UBE3D: variants seen among roughly 807,000 people sequenced by gnomAD.
The protein encoded by UBE3D is E3 ubiquitin-protein ligase E3D.
Under a neutral mutation model 49.6 loss-of-function variants are expected in UBE3D, and 48 were observed. That is an observed-to-expected ratio of 0.97 (90% CI 0.77 to 1.23). The LOEUF is 1.23. Among genes scored for constraint, UBE3D ranks in the 50% most tolerant of loss-of-function variants. UBE3D has a pLI of 0.00. For missense variants in UBE3D, 452 were observed against 468.4 expected (o/e 0.96, Z 0.32); for synonymous variants, 189 against 174.2 (o/e 1.08, Z -0.67).
intron 9 of UBE3D, among the ~76,000 whole-genome samples, chr6:82,933,832 A>T (rs962042063): frequency 6.6e-6 from 1 of 152,206 alleles, no homozygotes; most frequent in African/African-American, 2.4e-5. Flanking sequence ...TACTCAGAAA[A>T]CAAGCTAAGC....
At chr6:82,966,882 A>G (rs1483698571) in intron 8 of UBE3D, among the ~76,000 whole-genome samples, 3 of 152,220 alleles carry the variant, frequency 2.0e-5, no homozygotes, top group Admixed American at 6.5e-5. Flanking sequence ...TATTCCCAAC[A>G]GAAACTCAAA....
At chr6:83,044,690 A>C in intron 3 of UBE3D, 31 bp from the exon 4 acceptor site, 2 of 1,517,832 alleles carry the variant, frequency 1.3e-6, no homozygotes, top group Non-Finnish European at 1.8e-6. Context: ...CATTTTTCAC[A>C]GAACAAAATG....
chr6:82,990,002 A>G (rs1046938287), intron 8 of UBE3D, among the ~76,000 whole-genome samples: 3 of 152,210 alleles, frequency 2.0e-5, no homozygotes, highest in South Asian at 2.1e-4. Context: ...ATCCCTTTTT[A>G]TAGAGGTCAC....
intron 3 of UBE3D, among the ~76,000 whole-genome samples, chr6:83,050,097 T>C (rs1437777204): frequency 5.3e-5 from 8 of 152,150 alleles, no homozygotes; most frequent in Non-Finnish European, 1.5e-5. Context: ...GCTAAGAACA[T>C]GTGACCTTAA....
intron 9 of UBE3D, among the ~76,000 whole-genome samples, chr6:82,944,703 C>T (rs1055207004): frequency 7.2e-5 from 11 of 152,192 alleles, no homozygotes; most frequent in Admixed American, 4.6e-4. Flanking sequence ...CAGCATTTCT[C>T]GATCTGTCCT....
chr6:82,976,073 T>A (rs1368667707), intron 8 of UBE3D, among the ~76,000 whole-genome samples: 1 of 152,212 alleles, frequency 6.6e-6, no homozygotes, highest in East Asian at 1.9e-4. Flanking sequence ...GGCAAATTTA[T>A]TTCAGGTAAT....
intron 5 of UBE3D, 24 bp downstream of exon 5, chr6:83,038,392 G>T: frequency 6.3e-7 from 1 of 1,588,626 alleles, no homozygotes; most frequent in South Asian, 1.1e-5. Flanking sequence ...CAATCATTTT[G>T]GCTTCTTGTT....
At chr6:83,035,786 T>C (rs867748554) in intron 5 of UBE3D, among the ~76,000 whole-genome samples, 1 of 152,180 alleles carries the variant, frequency 6.6e-6, no homozygotes, top group East Asian at 1.9e-4. Context: ...GGTATTTTTG[T>C]TATTGGATAA....
rs898739302 is a variant in UBE3D at position 82,957,314 on chromosome 6, G to A, written c.1147C>T (p.Gln383Ter). ...PSSLRRVNSF[Q>*]VAFLKM ...CTAGAAAAGAAGCCATTGCTCACCTGAAAGGAATTCACACGGCGAAGGGAT... is the reference window on the plus strand; with the variant it reads ...CTAGAAAAGAAGCCATTGCTCACCTAAAAGGAATTCACACGGCGAAGGGAT... The change falls in exon 9 of 10, where the codon CAG becomes TAG. Residue 383 changes from glutamine (Q) to a stop codon, truncating the protein, a stop_gained and splice_region_variant. Coordinates refer to ENST00000369747, the MANE Select transcript of UBE3D (RefSeq NM_198920.3). LOFTEE classifies it high-confidence loss of function. 1 of 1,613,542 alleles carries A rather than the reference G, an allele frequency of 6.2e-7. No individual in the cohort carries two copies. The highest frequency in any genetic ancestry group is 1.3e-5 in the African/African-American group (1 of 75,004).
intron 8 of UBE3D, among the ~76,000 whole-genome samples, chr6:82,991,093 G>T (rs972090074): frequency 6.6e-6 from 1 of 152,124 alleles, no homozygotes; most frequent in African/African-American, 2.4e-5. Flanking sequence ...GCTCTCCATA[G>T]GCCCTGGTGT....
intron 9 of UBE3D, among the ~76,000 whole-genome samples, chr6:82,911,506 C>T (rs1014838703): frequency 6.6e-6 from 1 of 152,164 alleles, no homozygotes; most frequent in Non-Finnish European, 1.5e-5. Flanking sequence ...GAATACTTCT[C>T]ACAAGTCTGA....
chr6:83,060,938 G>A (rs989211998), intron 1 of UBE3D, among the ~76,000 whole-genome samples: 8 of 152,118 alleles, frequency 5.3e-5, no homozygotes, highest in African/African-American at 1.2e-4. Flanking sequence ...ATGAGGAACA[G>A]GGTATTTACA....
chr6:82,891,400 C>G (rs898775978), downstream of UBE3D, among the ~76,000 whole-genome samples: 1 of 152,070 alleles, frequency 6.6e-6, no homozygotes, highest in African/African-American at 2.4e-5. Flanking sequence ...GCTGAGGAAC[C>G]CTGCTGTATA....
chr6:82,973,573 T>TTC (rs5877829), intron 8 of UBE3D, among the ~76,000 whole-genome samples: 129,196 of 152,072 alleles, frequency 0.85, 55,131 homozygotes, highest in East Asian at 0.94. Context: ...AATTCTTAGC[T>TTC]TCTTTCCTTG....
intron 8 of UBE3D, among the ~76,000 whole-genome samples, chr6:83,003,535 G>A (rs923451484): frequency 2.6e-5 from 4 of 152,116 alleles, no homozygotes; most frequent in Non-Finnish European, 5.9e-5. Flanking sequence ...GCTTAACAAC[G>A]TGCATACATC....
At chr6:82,890,545 T>C (rs752785490), downstream of UBE3D, among the ~76,000 whole-genome samples, 2 of 152,168 alleles carry the variant, frequency 1.3e-5, no homozygotes, top group South Asian at 2.1e-4. Context: ...GTAACTATAG[T>C]GTTGCCAGAA....
chr6:82,973,800 A>G (rs964254746), intron 8 of UBE3D, among the ~76,000 whole-genome samples: 6 of 152,202 alleles, frequency 3.9e-5, no homozygotes, highest in Admixed American at 2.0e-4. Flanking sequence ...ATCTGAATTT[A>G]CAGCCACTCC....
At chr6:82,998,000 G>A (rs1779364597) in intron 8 of UBE3D, among the ~76,000 whole-genome samples, 1 of 152,130 alleles carries the variant, frequency 6.6e-6, no homozygotes, top group South Asian at 2.1e-4. Context: ...TTTCTGACAT[G>A]GAGAGAAAAT....
intron 1 of UBE3D, among the ~76,000 whole-genome samples, chr6:83,064,573 A>G (rs1364623443): frequency 6.6e-6 from 1 of 152,104 alleles, no homozygotes; most frequent in Admixed American, 6.5e-5. Flanking sequence ...AGGCCCCTGC[A>G]TGAGAGGAAG....
Sources: gnomAD v4.1 joint callset for allele counts (sites outside exome capture counted in the v4.1 genomes callset) on GRCh38, gnomAD v4.1.1 for gene constraint, MANE v1.5 for transcripts, NCBI Gene and HGNC (gene_info 2026-07-23, HGNC 2026-07-21) for gene names.